Variants in TM9SF2 observed in about 807,000 individuals in gnomAD.
TM9SF2 encodes the protein 76 kDa membrane protein.
TM9SF2 carries 13 observed loss-of-function variants against 84.9 expected under a neutral mutation model. The ratio of observed to expected loss-of-function variants is 0.15; its 90% CI spans 0.10 to 0.24. The LOEUF is 0.24. Ranked by LOEUF, TM9SF2 falls within the 10% of genes least tolerant of loss-of-function variation. TM9SF2 has a pLI of 1.00. For synonymous variants in TM9SF2, 273 were observed against 285.8 expected, an observed-to-expected ratio of 0.96 and a Z score of 0.45; for missense variants, 562 against 818.5, an observed-to-expected ratio of 0.69 and a Z score of 3.82.
At chr13:99,525,798 G>A (rs1410846173) in intron 3 of TM9SF2, among the ~76,000 whole-genome samples, 1 of 152,068 alleles carries the variant, frequency 6.6e-6, no homozygotes, top group Non-Finnish European at 1.5e-5. Flanking sequence ...CTCGTGATCT[G>A]CCTGCCTCGG....
intron 2 of TM9SF2, among the ~76,000 whole-genome samples, chr13:99,518,234 C>T (rs1158559075): frequency 2.0e-5 from 3 of 152,226 alleles, no homozygotes; most frequent in Non-Finnish European, 4.4e-5. Flanking sequence ...GCCTCAGCCT[C>T]GCAAGTAGCT....
At position 99,522,892 on chromosome 13, in the gene TM9SF2, C is replaced by T. The variant is rs1044447990; in HGVS notation, c.333+2763C>T. 2.6e-5 allele frequency among the ~76,000 whole-genome samples: 4 copies of T among 152,186 alleles called. 1 individual carries two copies. The South Asian group carries it at 8.3e-4, about 32-fold the overall frequency. On this transcript the variant is annotated intron_variant, in intron 3 of 16. Coordinates refer to ENST00000376387, the MANE Select transcript of TM9SF2 (RefSeq NM_004800.3). ...ACAGGACCCTTTTTGGGGCCTAGTG[C>T]TTTTCAGATTTAATCCTTTGTTGTA...
chr13:99,534,111 T>C (rs2046223405), intron 4 of TM9SF2, among the ~76,000 whole-genome samples: 1 of 152,258 alleles, frequency 6.6e-6, no homozygotes, highest in South Asian at 2.1e-4. Context: ...TCTCTTCAGC[T>C]GTGCTCTGTG....
Position 99,537,664 on chromosome 13 carries a change from C to T in TM9SF2, c.592-75C>T, listed in dbSNP as rs533606502. On this transcript the variant is annotated intron_variant, in intron 5 of 16. Transcript: ENST00000376387. ...ACTTAAATTTTCTTACTTGTTGTAGCCCATTTTAAAGTTTTAAGTTTTGAC... is the reference window on the plus strand; with the variant it reads ...ACTTAAATTTTCTTACTTGTTGTAGTCCATTTTAAAGTTTTAAGTTTTGAC... 44 of 1,194,154 alleles carry T rather than the reference C, an allele frequency of 3.7e-5. 1 individual carries two copies. The South Asian group carries it at 5.7e-4, about 16-fold the overall frequency. The allele number at this position is 1,194,154 out of a possible 1,614,324, so 74.0% of individuals were successfully genotyped here. A position where few individuals can be genotyped will look rare whatever the true frequency, so the allele number is the denominator to read the frequency against.
At chr13:99,560,827 G>A (rs1367802816) in intron 16 of TM9SF2, among the ~76,000 whole-genome samples, 1 of 151,812 alleles carries the variant, frequency 6.6e-6, no homozygotes, top group African/African-American at 2.4e-5. Context: ...GACTACAGGC[G>A]CCCGCCACTG....
intron 1 of TM9SF2, 48 bp downstream of exon 1, chr13:99,501,825 T>C: frequency 1.3e-5 from 19 of 1,501,498 alleles, no homozygotes; most frequent in Non-Finnish European, 1.7e-5. Flanking sequence ...GAAGGGGAAG[T>C]CGTCCCTATC....
chr13:99,562,644 T>C (rs1281426556), intron 16 of TM9SF2, 47 bp from the exon 17 acceptor site: 3 of 1,580,852 alleles, frequency 1.9e-6, no homozygotes, highest in Non-Finnish European at 1.7e-6. Context: ...GTGTAAAGTA[T>C]GAAACTTCCT....
At position 99,563,445 on chromosome 13, in the gene TM9SF2, TA is replaced by T. The variant is rs754362390; in HGVS notation, c.*688del. The T allele has an allele frequency of 2.6e-5, 4 of 152,252 alleles. No individual in the cohort carries two copies. The highest frequency in any genetic ancestry group is 4.8e-5 in the African/African-American group (2 of 41,472). The allele number at this position is 152,252 out of a possible 1,614,324, so 9.4% of individuals were successfully genotyped here. A position where few individuals can be genotyped will look rare whatever the true frequency, so the allele number is the denominator to read the frequency against. On this transcript the variant is annotated 3_prime_UTR_variant, in exon 17 of 17. Transcript: ENST00000376387. ...CAAGGAGGTTCTGTAAATACAGATC[TA>T]TTTACCAAGGTGTTTTGAAATGATT... is the stretch of plus-strand genomic sequence containing the variant.
intron 12 of TM9SF2, among the ~76,000 whole-genome samples, chr13:99,550,680 T>A (rs2046302091): frequency 6.6e-6 from 1 of 152,200 alleles, no homozygotes; most frequent in African/African-American, 2.4e-5. Context: ...GGAAATCTAG[T>A]CATACAATTC....
intron 1 of TM9SF2, among the ~76,000 whole-genome samples, chr13:99,516,443 T>C (rs2046135075): frequency 6.6e-6 from 1 of 152,222 alleles, no homozygotes; most frequent in African/African-American, 2.4e-5. Context: ...TGAACAGCTC[T>C]TAATCATTTT....
At chr13:99,545,651 C>A (rs2046279424) in intron 10 of TM9SF2, among the ~76,000 whole-genome samples, 1 of 152,040 alleles carries the variant, frequency 6.6e-6, no homozygotes, top group Non-Finnish European at 1.5e-5. Flanking sequence ...ACTGAAACCT[C>A]CACCTCCTAG....
At chr13:99,534,349 A>G (rs1000946033) in intron 4 of TM9SF2, among the ~76,000 whole-genome samples, 7 of 152,184 alleles carry the variant, frequency 4.6e-5, no homozygotes, top group African/African-American at 1.2e-4. Flanking sequence ...CAAAAATTCA[A>G]AATCCTAATG....
intron 3 of TM9SF2, among the ~76,000 whole-genome samples, chr13:99,524,650 TGAA>T (rs1013112339): frequency 1.3e-5 from 2 of 151,744 alleles, no homozygotes; most frequent in African/African-American, 4.8e-5. Context: ...TGGGTATAGA[TGAA>T]GAAGACAAGA....
At chr13:99,540,306 A>G (rs1039358978) in intron 7 of TM9SF2, among the ~76,000 whole-genome samples, 3 of 151,794 alleles carry the variant, frequency 2.0e-5, no homozygotes, top group South Asian at 2.1e-4. Context: ...CTAGATATTA[A>G]GAGCTCAGTG....
intron 13 of TM9SF2, among the ~76,000 whole-genome samples, chr13:99,553,455 A>G (rs145128661): frequency 1.0e-3 from 152 of 152,340 alleles, no homozygotes; most frequent in African/African-American, 3.5e-3. Context: ...TGAAATTCCA[A>G]AACTTTGCTG....
rs781050916 is a variant in TM9SF2 at position 99,501,783 on chromosome 13, TG to T, written c.171+7del. Reference sequence around the variant, plus strand: ...AAAAGAGCGACGAGTGCAAGGTGGGTGAGGCCTGACGAGCCCTCTGATGCAC... The same window carrying T: ...AAAAGAGCGACGAGTGCAAGGTGGGTAGGCCTGACGAGCCCTCTGATGCAC... On this transcript the variant is annotated splice_region_variant and intron_variant, in intron 1 of 16. Transcript: ENST00000376387. 9.9e-6 allele frequency: 16 copies of T among 1,608,742 alleles called. No homozygotes were observed. The East Asian group carries it at 3.4e-4, about 34-fold the overall frequency.
intron 8 of TM9SF2, 67 bp downstream of exon 8, chr13:99,540,860 A>T (rs2046256121): frequency 7.4e-7 from 1 of 1,342,632 alleles, no homozygotes; most frequent in Non-Finnish European, 1.1e-6. Flanking sequence ...TGAACATCTC[A>T]TTTACTCTCA....
At chr13:99,511,680 A>T (rs1178352231) in intron 1 of TM9SF2, among the ~76,000 whole-genome samples, 1 of 152,232 alleles carries the variant, frequency 6.6e-6, no homozygotes, top group Non-Finnish European at 1.5e-5. Flanking sequence ...TGTGAAAGCT[A>T]AGATGAACTG....
intron 14 of TM9SF2, among the ~76,000 whole-genome samples, chr13:99,555,274 G>A (rs760924609): frequency 5.9e-5 from 9 of 152,138 alleles, no homozygotes; most frequent in Non-Finnish European, 1.3e-4. Context: ...CTCACCAGGA[G>A]ACGAGTAGTC....
Sources: gnomAD v4.1 joint callset for allele counts (sites outside exome capture counted in the v4.1 genomes callset) on GRCh38, gnomAD v4.1.1 for gene constraint, MANE v1.5 for transcripts, NCBI Gene and HGNC (gene_info 2026-07-23, HGNC 2026-07-21) for gene names.